Variants in HDAC9 observed in about 807,000 individuals in gnomAD.
HDAC9 encodes MEF-2 interacting transcription repressor (MITR) protein.
A neutral mutation model predicts 139.4 loss-of-function variants in HDAC9; 41 were observed. The observed-to-expected ratio is 0.29, with a 90% CI of 0.23 to 0.38. The LOEUF is 0.38. HDAC9 is among the 10% of genes least tolerant of loss of function. The pLI, the probability that HDAC9 is intolerant of heterozygous loss-of-function variation, is 1.00. For synonymous variants in HDAC9, 517 were observed against 476.2 expected (o/e 1.09, Z -1.12); for missense variants, 1,147 against 1,297.0 (o/e 0.88, Z 1.78).
intron 2 of HDAC9, among the ~76,000 whole-genome samples, chr7:18,222,700 T>G (rs1792789439): frequency 6.6e-6 from 1 of 152,182 alleles, no homozygotes; most frequent in African/African-American, 2.4e-5. Context: ...GGATTGATTG[T>G]ACTACATGTA....
intron 2 of HDAC9, among the ~76,000 whole-genome samples, chr7:18,270,026 G>C (rs964721820): frequency 2.0e-5 from 3 of 152,020 alleles, no homozygotes; most frequent in Non-Finnish European, 4.4e-5. Flanking sequence ...TGTTGTGTTC[G>C]TTATAGGAGG....
chr7:18,437,465 A>G (rs772856199), intron 1 of HDAC9, among the ~76,000 whole-genome samples: 12 of 151,886 alleles, frequency 7.9e-5, no homozygotes, highest in Non-Finnish European at 1.6e-4. Context: ...ATCAAAATAT[A>G]CACTTCAGAA....
chr7:18,515,919 A>T (rs1356318675), intron 2 of HDAC9, among the ~76,000 whole-genome samples: 1 of 152,254 alleles, frequency 6.6e-6, no homozygotes, highest in South Asian at 2.1e-4. Flanking sequence ...GGCATAAGAT[A>T]TATAAAGAAT....
At chr7:18,211,514 T>C (rs1452297138) in intron 2 of HDAC9, among the ~76,000 whole-genome samples, 1 of 152,210 alleles carries the variant, frequency 6.6e-6, no homozygotes, top group Non-Finnish European at 1.5e-5. Flanking sequence ...ATGATTATTG[T>C]ACAGTATTCT....
At chr7:18,385,622 G>A (rs949101439) in intron 1 of HDAC9, among the ~76,000 whole-genome samples, 19 of 152,032 alleles carry the variant, frequency 1.2e-4, no homozygotes, top group African/African-American at 4.3e-4. Flanking sequence ...TAAAATAAGG[G>A]CCATAGTCAT....
chr7:18,574,569 C>T (rs975446016), intron 2 of HDAC9, among the ~76,000 whole-genome samples: 4 of 152,228 alleles, frequency 2.6e-5, no homozygotes, highest in Non-Finnish European at 5.9e-5. Context: ...TGCCCAGGAG[C>T]TTGTCTGCCT....
chr7:18,767,208 A>T (rs1789905366), intron 16 of HDAC9, 53 bp downstream of exon 16: 2 of 1,051,928 alleles, frequency 1.9e-6, no homozygotes, highest in South Asian at 1.6e-5. Context: ...ACAAAAAAAA[A>T]TCTTTTTTGA....
intron 6 of HDAC9, 88 bp from the exon 7 acceptor site, chr7:18,629,262 G>C (rs1037275523): frequency 1.2e-5 from 14 of 1,201,610 alleles, no homozygotes; most frequent in African/African-American, 1.6e-5. Context: ...AGAAAAGGGT[G>C]AGACTTTTTT....
intron 1 of HDAC9, among the ~76,000 whole-genome samples, chr7:18,381,134 G>A (rs561098376): frequency 8.2e-5 from 12 of 145,734 alleles, no homozygotes; most frequent in African/African-American, 1.8e-4. Flanking sequence ...AGGAGGCAGC[G>A]GTTGCAATGA....
chr7:18,341,540 G>T (rs1346927517), intron 1 of HDAC9, among the ~76,000 whole-genome samples: 1 of 151,580 alleles, frequency 6.6e-6, no homozygotes, highest in East Asian at 1.9e-4. Flanking sequence ...CTCATCCAAA[G>T]TGTTTTTTAT....
chr7:18,407,038 T>G, intron 1 of HDAC9, among the ~76,000 whole-genome samples: 1 of 152,172 alleles, frequency 6.6e-6, no homozygotes, highest in South Asian at 2.1e-4. Flanking sequence ...TGTATCAATA[T>G]GTATAGACCC....
chr7:18,519,562 G>A (rs1489776845), intron 2 of HDAC9, among the ~76,000 whole-genome samples: 1 of 152,118 alleles, frequency 6.6e-6, no homozygotes, highest in Admixed American at 6.6e-5. Flanking sequence ...TGCCATTTTT[G>A]TCAACATTAT....
intron 1 of HDAC9, among the ~76,000 whole-genome samples, chr7:18,156,031 A>T (rs1173899225): frequency 6.6e-6 from 1 of 152,136 alleles, no homozygotes; most frequent in Non-Finnish European, 1.5e-5. Context: ...CATAAATATT[A>T]TCAGGAGCAC....
intron 12 of HDAC9, among the ~76,000 whole-genome samples, chr7:18,686,332 T>C (rs569688259): frequency 6.6e-6 from 1 of 152,142 alleles, no homozygotes; most frequent in African/African-American, 2.4e-5. Context: ...AAGGCAAAGA[T>C]GGAATGTGAA....
chr7:18,837,654 T>C (rs1207296453), intron 21 of HDAC9, among the ~76,000 whole-genome samples: 1 of 152,112 alleles, frequency 6.6e-6, no homozygotes, highest in Non-Finnish European at 1.5e-5. Context: ...TATAGCTTTA[T>C]ATAAAAATAA....
At chr7:18,142,525 C>G (rs749886291) in intron 1 of HDAC9, among the ~76,000 whole-genome samples, 1 of 152,230 alleles carries the variant, frequency 6.6e-6, no homozygotes, top group African/African-American at 2.4e-5. Flanking sequence ...ATGAAGTGAA[C>G]GTCACCACAT....
chr7:18,605,169 C>A lies in HDAC9; in HGVS notation c.664+11140C>A, dbSNP rs183409592. Among the ~76,000 whole-genome samples the A allele has an allele frequency of 4.0e-3, 610 of 152,256 alleles. 3 individuals are homozygous for A. The highest frequency in any genetic ancestry group is 0.014 in the African/African-American group (588 of 41,554). ...TTTGGGGTTTCCCTAAGAGCTCCTTCTTAAATAGAATTTGTGTCCTGTAGC... is the reference window on the plus strand; with the variant it reads ...TTTGGGGTTTCCCTAAGAGCTCCTTATTAAATAGAATTTGTGTCCTGTAGC... On this transcript the variant is annotated intron_variant, in intron 6 of 25. Coordinates refer to ENST00000686413, the MANE Select transcript of HDAC9 (RefSeq NM_178425.4).
chr7:18,334,266 T>A (rs1399318688), intron 1 of HDAC9, among the ~76,000 whole-genome samples: 1 of 151,168 alleles, frequency 6.6e-6, no homozygotes, highest in Non-Finnish European at 1.5e-5. Flanking sequence ...TAGGCAAAAG[T>A]GTAAGTATAA....
chr7:18,181,545 A>C (rs1366512919), intron 2 of HDAC9, among the ~76,000 whole-genome samples: 1 of 152,212 alleles, frequency 6.6e-6, no homozygotes, highest in Admixed American at 6.5e-5. Flanking sequence ...GTGGACCAGA[A>C]AGTATTTTAC....
Sources: gnomAD v4.1 joint callset for allele counts (sites outside exome capture counted in the v4.1 genomes callset) on GRCh38, gnomAD v4.1.1 for gene constraint, MANE v1.5 for transcripts, NCBI Gene and HGNC (gene_info 2026-07-23, HGNC 2026-07-21) for gene names.